The following NIFK variants were observed in gnomAD, a reference collection of about 807,000 sequenced individuals.
NIFK encodes the protein MKI67 FHA domain-interacting nucleolar phosphoprotein.
NIFK carries 16 observed loss-of-function variants against 31.7 expected under a neutral mutation model. The observed-to-expected ratio is 0.50, with a 90% CI of 0.34 to 0.77. NIFK has a LOEUF of 0.77. NIFK is among the 30% of genes least tolerant of loss of function. The pLI, the probability that NIFK is intolerant of heterozygous loss-of-function variation, is 0.01. For synonymous variants in NIFK, 126 were observed against 123.0 expected (o/e 1.02, Z -0.16); for missense variants, 341 against 350.4 (o/e 0.97, Z 0.21).
chr2:121,727,987 T>C, intron 6 of NIFK, 75 bp from the exon 7 acceptor site: 1 of 1,318,694 alleles, frequency 7.6e-7, no homozygotes, highest in Non-Finnish European at 1.0e-6. Flanking sequence ...ATATCATCTC[T>C]CCTCTATTTT....
intron 4 of NIFK, 170 bp downstream of exon 4, chr2:121,730,723 A>T: frequency 1.7e-6 from 1 of 605,876 alleles, no homozygotes; most frequent in South Asian, 2.0e-5. Flanking sequence ...GTGCACCTGT[A>T]ATCCCAACTA....
intron 3 of NIFK, 134 bp from the exon 4 acceptor site, chr2:121,731,238 G>GC (rs1165028073): frequency 1.7e-6 from 1 of 604,916 alleles, no homozygotes; most frequent in African/African-American, 1.9e-5. Context: ...TTCTCTCACA[G>GC]CAATGCGAAG....
At position 121,732,051 on chromosome 2, in the gene NIFK, A is replaced by G. The variant is rs138326385; in HGVS notation, c.352+45T>C. 1,428 of 1,142,668 alleles carry G rather than the reference A, an allele frequency of 1.2e-3. 5 individuals carry two copies. Among genetic ancestry groups the G allele is most frequent in the African/African-American group, 4.4e-3 (288 of 65,814 alleles). The allele number at this position is 1,142,668 out of a possible 1,614,324, so 70.8% of individuals were successfully genotyped here. On this transcript the variant is annotated intron_variant, in intron 3 of 6. Transcript: ENST00000285814. ...CCCTTCCCACCACAGTCACCCACCA[A>G]CAGCAGGCACCCAGGCAACCCTGCG...
At chr2:121,736,357 C>T (rs1394679817) in intron 1 of NIFK, among the ~76,000 whole-genome samples, 1 of 152,244 alleles carries the variant, frequency 6.6e-6, no homozygotes, top group Non-Finnish European at 1.5e-5. Flanking sequence ...GTCTGGGGCT[C>T]CCATTTTTGG....
At chr2:121,731,609 TC>T (rs1240933159) in intron 3 of NIFK, among the ~76,000 whole-genome samples, 13 of 152,198 alleles carry the variant, frequency 8.5e-5, no homozygotes, top group Non-Finnish European at 4.4e-5. Flanking sequence ...TAGAAGGCCT[TC>T]AGTAACCTGA....
At chr2:121,734,893 T>C (rs2074568401) in intron 2 of NIFK, among the ~76,000 whole-genome samples, 1 of 152,220 alleles carries the variant, frequency 6.6e-6, no homozygotes, top group African/African-American at 2.4e-5. Flanking sequence ...ACCTACAATC[T>C]ATCTTTACGA....
intron 2 of NIFK, among the ~76,000 whole-genome samples, chr2:121,734,674 T>C (rs1005058676): frequency 6.6e-6 from 1 of 152,032 alleles, no homozygotes; most frequent in Non-Finnish European, 1.5e-5. Context: ...GCGCCTGTAA[T>C]CCCAGCTACT....
chr2:121,729,272 G>A (rs1214912220), intron 4 of NIFK, among the ~76,000 whole-genome samples: 1 of 151,498 alleles, frequency 6.6e-6, no homozygotes, highest in African/African-American at 2.4e-5. Context: ...GGGGGCTGAG[G>A]CAGGAGAATC....
At chr2:121,733,012 G>A (rs1285041008) in intron 2 of NIFK, among the ~76,000 whole-genome samples, 2 of 152,014 alleles carry the variant, frequency 1.3e-5, no homozygotes, top group African/African-American at 4.8e-5. Flanking sequence ...AACCTGAGAG[G>A]CAGAGGTTGT....
At position 121,727,142 on chromosome 2, in the gene NIFK, T is replaced by C. The variant is rs937055882; in HGVS notation, c.*582A>G. On this transcript the variant is annotated 3_prime_UTR_variant, in exon 7 of 7. Coordinates refer to ENST00000285814, the MANE Select transcript of NIFK (RefSeq NM_032390.5). ...GTATAAAATGGTGGTTATTAATTCA[T>C]GCTAGCACAACCAAAACTAATTTAA... The C allele has an allele frequency of 1.7e-5, 4 of 241,272 alleles. No homozygotes were observed. The highest frequency in any genetic ancestry group is 4.5e-5 in the African/African-American group (2 of 44,030). 14.9% of individuals were successfully genotyped at this position (241,272 alleles called of 1,614,324 possible). A position where few individuals can be genotyped will look rare whatever the true frequency, so the allele number is the denominator to read the frequency against.
rs745738160 is a variant in NIFK at position 121,728,473 on chromosome 2, T to C, written c.624+4A>G. 2.5e-6 allele frequency: 4 copies of C among 1,581,700 alleles called. No individual in the cohort carries two copies. Among genetic ancestry groups the C allele is most frequent in the Non-Finnish European group, 3.4e-6 (4 of 1,165,910 alleles). On this transcript the variant is annotated splice_donor_region_variant and intron_variant, in intron 5 of 6. Transcript: ENST00000285814. ...TGCATGTAAAATGATAAAAAAAATT[T>C]TACCTGGCCTTTTGTAGACGTCTGA... is the stretch of plus-strand genomic sequence containing the variant.
intron 4 of NIFK, among the ~76,000 whole-genome samples, chr2:121,730,219 A>AAAAACAAAAC (rs553647367): frequency 3.4e-4 from 52 of 152,008 alleles, no homozygotes; most frequent in African/African-American, 1.2e-3. Flanking sequence ...CTCTGTCTCA[A>AAAAACAAAAC]AAAACAAAAC....
At chr2:121,731,145 T>C in intron 3 of NIFK, 41 bp from the exon 4 acceptor site, 3 of 1,212,922 alleles carry the variant, frequency 2.5e-6, no homozygotes, top group Non-Finnish European at 2.4e-6. Flanking sequence ...ATTTTAATGT[T>C]AACTTTAGAA....
At position 121,727,657 on chromosome 2, in the gene NIFK, A is replaced by T. The variant is rs1460278152; in HGVS notation, c.*67T>A. The T allele has an allele frequency of 8.7e-6, 10 of 1,153,904 alleles. No individual in the cohort carries two copies. Among genetic ancestry groups the T allele is most frequent in the Non-Finnish European group, 1.0e-5 (8 of 791,438 alleles). 71.5% of individuals were successfully genotyped at this position (1,153,904 alleles called of 1,614,324 possible). A position where few individuals can be genotyped will look rare whatever the true frequency, so the allele number is the denominator to read the frequency against. On this transcript the variant is annotated 3_prime_UTR_variant, in exon 7 of 7. Coordinates refer to ENST00000285814, the MANE Select transcript of NIFK (RefSeq NM_032390.5). ...TCAAAGGTTGTATTCCATTGTACCT[A>T]GTGAAATACAAAGTCCACTCTCATA...
At chr2:121,736,197 T>C (rs1035644542) in intron 1 of NIFK, among the ~76,000 whole-genome samples, 1 of 152,226 alleles carries the variant, frequency 6.6e-6, no homozygotes, top group Non-Finnish European at 1.5e-5. Flanking sequence ...TAACAGGAAC[T>C]TCTAAGTTTT....
chr2:121,728,091 C>T, intron 6 of NIFK, 179 bp from the exon 7 acceptor site: 3 of 705,726 alleles, frequency 4.3e-6, no homozygotes, highest in Non-Finnish European at 4.5e-6. Flanking sequence ...AAACTTGGTA[C>T]AGAAATTCAC....
In NIFK at chr2:121,730,307, CG is replaced by C. The variant is rs573407744; in HGVS notation, c.564+585del. 6.4e-3 allele frequency: 974 copies of C among 153,182 alleles called. 5 individuals carry two copies. Among genetic ancestry groups the C allele is most frequent in the Non-Finnish European group, 0.011 (751 of 69,190 alleles). The allele number at this position is 153,182 out of a possible 1,614,324, so 9.5% of individuals were successfully genotyped here. ...TAGCACTTTGGGAGGCCGAGGCGGG[CG>C]GATCACCTGAGGTCAGGAGTTCAAG... is the stretch of plus-strand genomic sequence containing the variant. On this transcript the variant is annotated intron_variant, in intron 4 of 6. Coordinates refer to ENST00000285814, the MANE Select transcript of NIFK (RefSeq NM_032390.5).
chr2:121,728,415 A>G lies in NIFK; in HGVS notation c.625-59T>C, dbSNP rs370723671. 6.0e-4 allele frequency: 895 copies of G among 1,482,560 alleles called. 2 individuals carry two copies. Among genetic ancestry groups the G allele is most frequent in the Non-Finnish European group, 7.9e-4 (846 of 1,069,864 alleles). The allele number at this position is 1,482,560 out of a possible 1,614,324, so 91.8% of individuals were successfully genotyped here. A position where few individuals can be genotyped will look rare whatever the true frequency, so the allele number is the denominator to read the frequency against. On this transcript the variant is annotated intron_variant, in intron 5 of 6. Coordinates refer to ENST00000285814, the MANE Select transcript of NIFK (RefSeq NM_032390.5). ...TATTGATCAGCTACAGTAGTCTTGA[A>G]TATGTTTTCCTACTTATCCTTCTCT...
At chr2:121,732,323 A>G (rs184610843) in intron 2 of NIFK, 119 bp from the exon 3 acceptor site, 10 of 633,672 alleles carry the variant, frequency 1.6e-5, no homozygotes, top group East Asian at 1.1e-4. Flanking sequence ...ATTACGTACG[A>G]CACGCTTAAT....
Sources: allele counts gnomAD v4.1 joint callset (sites outside exome capture counted in the v4.1 genomes callset), GRCh38; gene constraint gnomAD v4.1.1; transcripts MANE v1.5; gene names NCBI Gene and HGNC (gene_info 2026-07-23, HGNC 2026-07-21).